Variants in SLC8B1 observed in about 807,000 individuals in gnomAD.
The protein encoded by SLC8B1 is solute carrier family 8 member B1, also known as mitochondrial sodium/calcium exchanger protein.
A neutral mutation model predicts 63.4 loss-of-function variants in SLC8B1; 52 were observed. The observed-to-expected ratio is 0.82, with a 90% CI of 0.66 to 1.03. SLC8B1 has a LOEUF of 1.03. Among genes scored for constraint, SLC8B1 ranks in the 50% least tolerant of loss-of-function variants. The pLI, the probability that SLC8B1 is intolerant of heterozygous loss-of-function variation, is 0.00. For missense variants in SLC8B1, 657 were observed against 741.7 expected, an observed-to-expected ratio of 0.89 and a Z score of 1.33; for synonymous variants, 336 against 323.9, an observed-to-expected ratio of 1.04 and a Z score of -0.40.
At position 113,321,216 on chromosome 12, in the gene SLC8B1, G is replaced by A. The variant is rs2136855626; in HGVS notation, c.289C>T (p.Pro97Ser). The stretch of plus-strand genomic sequence containing the variant: ...CTCACGTAGAGAGTGACAGCCAGAG[G>A]GAGGAGGCTGGGAGGGAAGTGGCAG... ...IFCHFPPSLL[P>S]LAVTLYVSWL... Residue 97 changes from proline to serine, a missense_variant, in exon 3 of 16, where the codon CCT (proline) becomes TCT (serine). Pro to Ser is a moderately conservative substitution (Grantham distance 74, BLOSUM62 -1). Coordinates refer to ENST00000680972, the MANE Select transcript of SLC8B1 (RefSeq NM_001358345.2). 2 of 1,614,186 alleles carry A rather than the reference G, an allele frequency of 1.2e-6. No individual in the cohort carries two copies. Among genetic ancestry groups the A allele is most frequent in the South Asian group, 2.2e-5 (2 of 91,080 alleles).
chr12:113,333,572 A>G (rs1436115128), intron 1 of SLC8B1, among the ~76,000 whole-genome samples: 1 of 152,174 alleles, frequency 6.6e-6, no homozygotes, highest in Non-Finnish European at 1.5e-5. Context: ...TGAGGCACAG[A>G]CAGGTGAAGC....
rs756940145 is a variant in SLC8B1 at position 113,321,317 on chromosome 12, T to A, written c.188A>T (p.Asp63Val). Residue 63 changes from aspartate (D) to valine (V), a missense_variant, in exon 3 of 16, where the codon GAC becomes GTC. Physicochemically the swap from Asp to Val is radical, Grantham distance 152. Coordinates refer to ENST00000680972, the MANE Select transcript of SLC8B1 (RefSeq NM_001358345.2). ...GTTGGTCCGGATGAAGTCACAGCGG[T>A]CAGAGACATTCAGGCCACACACCTT... The part of the protein sequence containing the change: ...CRKVCGLNVS[D>V]RCDFIRTNPD... The A allele has an allele frequency of 6.2e-7, 1 of 1,613,986 alleles. No homozygotes were observed.
rs766850235 is a variant in SLC8B1 at position 113,320,835 on chromosome 12, T to C, written c.420+15A>G. The C allele has an allele frequency of 6.3e-7, 1 of 1,598,826 alleles. No individual in the cohort carries two copies. The highest frequency in any genetic ancestry group is 2.3e-5 in the East Asian group (1 of 44,378). ...GCCCTCCCTCCAGGGTGCAGGACACTGGACAAAAGGATACTGCCACGTTGT... is the reference window on the plus strand; with the variant it reads ...GCCCTCCCTCCAGGGTGCAGGACACCGGACAAAAGGATACTGCCACGTTGT... On this transcript the variant is annotated intron_variant, in intron 5 of 15. Coordinates refer to ENST00000680972, the MANE Select transcript of SLC8B1 (RefSeq NM_001358345.2). The surrounding 1 kb of genome is among the most constrained non-coding windows in gnomAD (Gnocchi z 5.3).
chr12:113,302,540 C>A, intron 15 of SLC8B1: 1 of 417,556 alleles, frequency 2.4e-6, no homozygotes, highest in Non-Finnish European at 4.9e-6. Context: ...TATTTTCAAG[C>A]AGTACAGAAG....
At chr12:113,310,758 T>C (rs1181210193) in intron 11 of SLC8B1, among the ~76,000 whole-genome samples, 2 of 152,082 alleles carry the variant, frequency 1.3e-5, no homozygotes, top group Non-Finnish European at 2.9e-5. Flanking sequence ...AAACCCAGCC[T>C]CTTCACTGAG....
At chr12:113,328,226 G>A (rs898644391) in intron 2 of SLC8B1, among the ~76,000 whole-genome samples, 4 of 151,950 alleles carry the variant, frequency 2.6e-5, no homozygotes, top group African/African-American at 7.3e-5. Flanking sequence ...AAGGGGTCTC[G>A]CCTTGTTGGC....
chr12:113,333,063 C>T (rs1016583904), intron 1 of SLC8B1, 103 bp from the exon 2 acceptor site: 6 of 710,458 alleles, frequency 8.4e-6, no homozygotes, highest in Admixed American at 3.1e-5. Context: ...TCCTGCCTCC[C>T]GGCAGCAAAG....
intron 2 of SLC8B1, among the ~76,000 whole-genome samples, chr12:113,321,885 A>G (rs910857593): frequency 6.6e-6 from 1 of 152,002 alleles, no homozygotes; most frequent in Non-Finnish European, 1.5e-5. Flanking sequence ...ATGTATCTCA[A>G]TTAATCTGTA....
intron 13 of SLC8B1, 166 bp from the exon 14 acceptor site, chr12:113,306,741 T>C: frequency 1.7e-6 from 1 of 599,716 alleles, no homozygotes; most frequent in South Asian, 2.0e-5. Flanking sequence ...GGGCACAGCA[T>C]CTGGGAAGAC....
At chr12:113,314,532 G>T (rs905380565) in intron 11 of SLC8B1, among the ~76,000 whole-genome samples, 1 of 152,204 alleles carries the variant, frequency 6.6e-6, no homozygotes, top group Non-Finnish European at 1.5e-5. Flanking sequence ...GCCAGAGCAG[G>T]ACAAGAAAGA....
chr12:113,329,745 C>G (rs1049237254), intron 2 of SLC8B1, among the ~76,000 whole-genome samples: 23 of 152,156 alleles, frequency 1.5e-4, no homozygotes, highest in African/African-American at 5.6e-4. Context: ...TCAGGCTGGA[C>G]AGGAAAGGGT....
At chr12:113,302,288 G>A (rs183134175) in intron 15 of SLC8B1, 172 of 197,202 alleles carry the variant, frequency 8.7e-4, no homozygotes, top group Admixed American at 6.9e-3. Flanking sequence ...AGACTGCAGA[G>A]ATGGGCCCAC....
In SLC8B1 at chr12:113,299,724, A is replaced by C; in HGVS notation, c.*53T>G. ...CTCCGGTCCCTGGGCCTCCCCCGGC[A>C]GGAGGGGCGGGGCTCCTGCCTGCAG... On this transcript the variant is annotated 3_prime_UTR_variant, in exon 16 of 16. Transcript: ENST00000680972. 1 of 1,572,374 alleles carries C rather than the reference A, an allele frequency of 6.4e-7. No individual in the cohort carries two copies.
chr12:113,303,139 A>ACGCG (rs1430524965), intron 15 of SLC8B1, among the ~76,000 whole-genome samples: 102 of 147,382 alleles, frequency 6.9e-4, no homozygotes, highest in African/African-American at 2.4e-3. Flanking sequence ...ACACACACAC[A>ACGCG]CACGCGCGCG....
chr12:113,307,546 A>T, intron 13 of SLC8B1, 145 bp downstream of exon 13: 1 of 987,188 alleles, frequency 1.0e-6, no homozygotes, highest in Non-Finnish European at 1.4e-6. Flanking sequence ...AATGCTGGCC[A>T]CTCCACAGTG....
At chr12:113,324,402 CTTTTTT>C (rs780610962) in intron 2 of SLC8B1, among the ~76,000 whole-genome samples, 1 of 130,830 alleles carries the variant, frequency 7.6e-6, no homozygotes, top group South Asian at 2.6e-4. Context: ...TCAGCTCTAC[CTTTTTT>C]TTTTTTTTTT....
In SLC8B1 at chr12:113,321,283, G is replaced by A. The variant is rs763229084; in HGVS notation, c.222C>T (p.Cys74=). The A allele has an allele frequency of 1.2e-6, 2 of 1,614,130 alleles. No homozygotes were observed. Among genetic ancestry groups the A allele is most frequent in the Non-Finnish European group, 1.7e-6 (2 of 1,180,026 alleles). ...AGTCCAGGTACCCCCCATCACTGTG[G>A]CAGTCAGGGTTGGTCCGGATGAAGT... ...RCDFIRTNPD[C]HSDGGYLDYL... The change falls in exon 3 of 16, where the codon TGC becomes TGT. Residue 74 remains cysteine, a synonymous_variant. Coordinates refer to ENST00000680972, the MANE Select transcript of SLC8B1 (RefSeq NM_001358345.2).
intron 14 of SLC8B1, among the ~76,000 whole-genome samples, chr12:113,304,633 G>A (rs1956648024): frequency 6.6e-6 from 1 of 152,096 alleles, no homozygotes. Context: ...AAAAAATTTG[G>A]TGGGGGTTGG....
In SLC8B1 at chr12:113,299,781, A is replaced by C. The variant is rs1408264469; in HGVS notation, c.1751T>G (p.Met584Arg). 1.2e-6 allele frequency: 2 copies of C among 1,614,150 alleles called. No homozygotes were observed. The highest frequency in any genetic ancestry group is 3.3e-5 in the Admixed American group (2 of 60,026). ...CACAGCACTAAGCGGCTTCAGTCAC[A>C]TGCTTTTCAGGTGAATCACTCCAAA... The part of the protein sequence containing the change: ...TEFGVIHLKS[M>R] The change falls in exon 16 of 16, where the codon ATG (methionine) becomes AGG (arginine). Residue 584 changes from methionine (M) to arginine (R), a missense_variant. Coordinates refer to ENST00000680972, the MANE Select transcript of SLC8B1 (RefSeq NM_001358345.2).
Sources: allele counts gnomAD v4.1 joint callset (sites outside exome capture counted in the v4.1 genomes callset), GRCh38; gene constraint gnomAD v4.1.1; non-coding constraint Gnocchi (gnomAD v3.1); transcripts MANE v1.5; gene names NCBI Gene and HGNC (gene_info 2026-07-23, HGNC 2026-07-21).